Variants in FDFT1 observed in about 807,000 individuals in gnomAD.
FDFT1 encodes the protein squalene synthase.
FDFT1 carries 68 observed loss-of-function variants against 46.8 expected under a neutral mutation model. The ratio of observed to expected loss-of-function variants is 1.45; its 90% CI spans 1.19 to 1.78. The LOEUF is 1.78. FDFT1 is among the 40% of genes most tolerant of loss of function. The probability of loss-of-function intolerance (pLI) is 0.00; values close to 1 mark genes in which losing one functional copy is unlikely to be tolerated. For missense variants in FDFT1, 928 were observed against 524.4 expected, an observed-to-expected ratio of 1.77 and a Z score of -7.52; for synonymous variants, 351 against 185.1, an observed-to-expected ratio of 1.90 and a Z score of -7.28.
Position 11,838,713 on chromosome 8 carries a change from C to G in FDFT1, c.*104C>G. 1.1e-6 allele frequency: 1 copy of G among 892,476 alleles called. No homozygotes were observed. The highest frequency in any genetic ancestry group is 1.4e-5 in the South Asian group (1 of 70,686). The allele number at this position is 892,476 out of a possible 1,614,324, so 55.3% of individuals were successfully genotyped here. On this transcript the variant is annotated 3_prime_UTR_variant, in exon 8 of 8. Coordinates refer to ENST00000220584, the MANE Select transcript of FDFT1 (RefSeq NM_004462.5). ...TTATTTTTTTCCTACTACTTTAATCCCTAAAAGAACGCTGTGTGGCTGGGA... is the reference window on the plus strand; with the variant it reads ...TTATTTTTTTCCTACTACTTTAATCGCTAAAAGAACGCTGTGTGGCTGGGA...
chr8:11,800,899 G>T (rs147223012), upstream of FDFT1, among the ~76,000 whole-genome samples: 1 of 152,304 alleles, frequency 6.6e-6, no homozygotes, highest in East Asian at 1.9e-4. Flanking sequence ...GCCGAGGTGG[G>T]GAGTGGGAGG....
chr8:11,802,714 G>C (rs1199225502), upstream of FDFT1: 1 of 782,262 alleles, frequency 1.3e-6, no homozygotes, highest in African/African-American at 1.7e-5. Context: ...GCCGTACTAG[G>C]CCTGCCCCCT....
upstream of FDFT1, among the ~76,000 whole-genome samples, chr8:11,800,216 G>A (rs1053020592): frequency 1.5e-5 from 2 of 129,912 alleles, no homozygotes; most frequent in Non-Finnish European, 1.5e-5. Flanking sequence ...AACCGAGACT[G>A]TGCCACTGCA....
chr8:11,800,781 A>T (rs998941179), upstream of FDFT1, among the ~76,000 whole-genome samples: 1 of 152,236 alleles, frequency 6.6e-6, no homozygotes, highest in Non-Finnish European at 1.5e-5. Flanking sequence ...GTTACTATTT[A>T]TTCCTAATTA....
chr8:11,826,614 G>A (rs898449262), intron 5 of FDFT1, among the ~76,000 whole-genome samples: 6 of 152,208 alleles, frequency 3.9e-5, no homozygotes, highest in Admixed American at 3.9e-4. Context: ...AGGAGTTCGA[G>A]ACCAGCCTGG....
chr8:11,808,159 A>G, intron 1 of FDFT1: 1 of 688,262 alleles, frequency 1.5e-6, no homozygotes, highest in Non-Finnish European at 1.8e-6. Context: ...AAACTGGGCG[A>G]TGCAAAGACA....
rs1807425540 is a variant in FDFT1 at position 11,809,674 on chromosome 8, G to T, written c.205G>T (p.Val69Leu). 1.2e-6 allele frequency: 2 copies of T among 1,610,004 alleles called. No homozygotes were observed. Among genetic ancestry groups the T allele is most frequent in the Non-Finnish European group, 1.7e-6 (2 of 1,178,406 alleles). The change falls in exon 3 of 8, where the codon GTG (valine) becomes TTG (leucine). Residue 69 changes from valine to leucine, a missense_variant. Physicochemically the swap from Val to Leu is conservative, Grantham distance 32. Transcript: ENST00000220584. ...QALDGEMRNA[V>L]CIFYLVLRAL... ...GTTTTCCCTTTTTTACAGCAACGCA[G>T]TGTGCATATTTTATCTGGTTCTCCG...
chr8:11,835,715 A>G (rs76084838), intron 7 of FDFT1, among the ~76,000 whole-genome samples: 3,102 of 152,300 alleles, frequency 0.02, 108 homozygotes, highest in African/African-American at 0.069. Context: ...ATGAAGAAAT[A>G]AAGTCATAGG....
At chr8:11,806,231 T>C (rs1806812183) in intron 1 of FDFT1, among the ~76,000 whole-genome samples, 1 of 152,122 alleles carries the variant, frequency 6.6e-6, no homozygotes, top group Non-Finnish European at 1.5e-5. Flanking sequence ...TTGCGAGCTT[T>C]TGGGAGTGTG....
intron 5 of FDFT1, among the ~76,000 whole-genome samples, chr8:11,829,728 G>T (rs1810509610): frequency 6.6e-6 from 1 of 152,144 alleles, no homozygotes; most frequent in Non-Finnish European, 1.5e-5. Flanking sequence ...GGTTGCAACT[G>T]GACACTTACT....
chr8:11,818,314 G>A (rs532392523), intron 3 of FDFT1, among the ~76,000 whole-genome samples: 24 of 152,206 alleles, frequency 1.6e-4, no homozygotes, highest in Non-Finnish European at 2.9e-4. Context: ...GTGCGATGTG[G>A]TGCTGAGAAG....
At chr8:11,799,072 A>G (rs773465660), upstream of FDFT1, among the ~76,000 whole-genome samples, 2 of 152,224 alleles carry the variant, frequency 1.3e-5, no homozygotes, top group African/African-American at 2.4e-5. Flanking sequence ...GACACATTGA[A>G]CAAACATGTA....
intron 6 of FDFT1, among the ~76,000 whole-genome samples, chr8:11,830,790 C>T (rs1030302003): frequency 1.2e-4 from 19 of 152,228 alleles, no homozygotes; most frequent in African/African-American, 4.6e-4. Context: ...CACCTAATTA[C>T]TGCTGTCCTT....
chr8:11,798,634 G>A (rs1477540237), upstream of FDFT1, among the ~76,000 whole-genome samples: 2 of 152,218 alleles, frequency 1.3e-5, no homozygotes, highest in African/African-American at 4.8e-5. Context: ...AGGAGAAGCA[G>A]ATTTAATGGA....
At chr8:11,807,314 CTTTTTAAAAAAT>C (rs906250601) in intron 1 of FDFT1, among the ~76,000 whole-genome samples, 24 of 150,794 alleles carry the variant, frequency 1.6e-4, no homozygotes, top group African/African-American at 2.7e-4. Context: ...CCACACCTGG[CTTTTTAAAAAAT>C]TTTTTAAAAA....
At position 11,838,698 on chromosome 8, in the gene FDFT1, C is replaced by T; in HGVS notation, c.*89C>T. 1 of 1,057,342 alleles carries T rather than the reference C, an allele frequency of 9.5e-7. No homozygotes were observed. Among genetic ancestry groups the T allele is most frequent in the South Asian group, 1.3e-5 (1 of 76,372 alleles). The allele number at this position is 1,057,342 out of a possible 1,614,324, so 65.5% of individuals were successfully genotyped here. ...GATGTTGTGTTCTCTTTATTTTTTT[C>T]CTACTACTTTAATCCCTAAAAGAAC... On this transcript the variant is annotated 3_prime_UTR_variant, in exon 8 of 8. Coordinates refer to ENST00000220584, the MANE Select transcript of FDFT1 (RefSeq NM_004462.5).
intron 3 of FDFT1, among the ~76,000 whole-genome samples, chr8:11,821,508 T>G (rs1043936395): frequency 6.6e-6 from 1 of 152,190 alleles, no homozygotes; most frequent in Non-Finnish European, 1.5e-5. Context: ...GGAGAATCAT[T>G]TGAACCTGGG....
intron 3 of FDFT1, among the ~76,000 whole-genome samples, chr8:11,815,893 T>C (rs1337729338): frequency 6.6e-6 from 1 of 152,266 alleles, no homozygotes; most frequent in Non-Finnish European, 1.5e-5. Context: ...TTGTCTAGTT[T>C]GGCTTTTGTT....
Position 11,838,799 on chromosome 8 carries a change from T to A in FDFT1, c.*190T>A, listed in dbSNP as rs933533740. The A allele has an allele frequency of 2.5e-5, 15 of 597,156 alleles. No homozygotes were observed. Among genetic ancestry groups the A allele is most frequent in the African/African-American group, 1.5e-4 (8 of 53,916 alleles). The allele number at this position is 597,156 out of a possible 1,614,324, so 37.0% of individuals were successfully genotyped here. ...AAACATGAAAGGAAAGGGTGCCTCA[T>A]CCCAGCAACCTGTCCTTGTGGGTGA... On this transcript the variant is annotated 3_prime_UTR_variant, in exon 8 of 8. Transcript: ENST00000220584.
Sources: gnomAD v4.1 joint callset for allele counts (sites outside exome capture counted in the v4.1 genomes callset) on GRCh38, gnomAD v4.1.1 for gene constraint, MANE v1.5 for transcripts, NCBI Gene and HGNC (gene_info 2026-07-23, HGNC 2026-07-21) for gene names.